The following TCF12 variants were observed in gnomAD, a reference collection of about 807,000 sequenced individuals.
The protein encoded by TCF12 is DNA-binding protein HTF4.
Under a neutral mutation model 86.0 loss-of-function variants are expected in TCF12, and 45 were observed. That is an observed-to-expected ratio of 0.52 (90% CI 0.41 to 0.67). The LOEUF (loss-of-function observed/expected upper bound fraction) is 0.67. Among genes scored for constraint, TCF12 ranks in the 30% least tolerant of loss-of-function variants. The pLI is 0.00. For synonymous variants in TCF12, 330 were observed against 299.6 expected (o/e 1.10, Z -1.05); for missense variants, 881 against 859.9 (o/e 1.02, Z -0.31).
At chr15:57,026,379 A>G (rs1301947519) in intron 3 of TCF12, among the ~76,000 whole-genome samples, 1 of 152,202 alleles carries the variant, frequency 6.6e-6, no homozygotes, top group East Asian at 1.9e-4. Flanking sequence ...AGCAGTGAAA[A>G]AGACTGTCTT....
chr15:57,272,335 G>A (rs758212649), intron 18 of TCF12, among the ~76,000 whole-genome samples: 88 of 152,110 alleles, frequency 5.8e-4, no homozygotes, highest in African/African-American at 1.8e-3. Context: ...CTCTGGATTC[G>A]TTTTGCCAAT....
At chr15:56,964,739 TG>T (rs1225423867) in intron 3 of TCF12, among the ~76,000 whole-genome samples, 2 of 152,234 alleles carry the variant, frequency 1.3e-5, no homozygotes, top group Non-Finnish European at 1.5e-5. Context: ...TCAGAATTTT[TG>T]TACTCTTGTG....
At chr15:57,158,549 T>C (rs1448711804) in intron 5 of TCF12, among the ~76,000 whole-genome samples, 1 of 152,176 alleles carries the variant, frequency 6.6e-6, no homozygotes, top group Non-Finnish European at 1.5e-5. Flanking sequence ...GGTAATAGGA[T>C]GCTCCATTGG....
chr15:57,226,122 T>C (rs1207768176), intron 8 of TCF12, among the ~76,000 whole-genome samples: 3 of 151,534 alleles, frequency 2.0e-5, no homozygotes, highest in Admixed American at 1.3e-4. Flanking sequence ...CTTAAAATTA[T>C]AGGCCTAGAG....
At position 56,938,133 on chromosome 15, in the gene TCF12, CT is replaced by C. The variant is rs201780739; in HGVS notation, c.148+17043del. ...ATCAGTGGTATTGGTCTGTAGTTTG[CT>C]TTTTTTTCTTCTTTTTTTTTGTTTC... is the stretch of plus-strand genomic sequence containing the variant. On this transcript the variant is annotated intron_variant, in intron 3 of 20. Coordinates refer to ENST00000333725, the MANE Select transcript of TCF12 (RefSeq NM_207037.2). Among the ~76,000 whole-genome samples the C allele has an allele frequency of 7.6e-3, 948 of 124,832 alleles. 6 individuals carry two copies. Among genetic ancestry groups the C allele is most frequent in the Non-Finnish European group, 0.011 (657 of 59,590 alleles). 81.9% of individuals were successfully genotyped at this position (124,832 alleles called of 152,430 possible).
intron 3 of TCF12, among the ~76,000 whole-genome samples, chr15:56,940,694 C>A (rs2060720899): frequency 7.0e-6 from 1 of 142,190 alleles, no homozygotes; most frequent in South Asian, 2.4e-4. Context: ...CTCTCCCTCT[C>A]CCCTTTCCCC....
chr15:57,275,361 T>TAC (rs60676414), intron 19 of TCF12, among the ~76,000 whole-genome samples: 4 of 149,100 alleles, frequency 2.7e-5, no homozygotes, highest in African/African-American at 7.4e-5. Context: ...TGTGTGTGTG[T>TAC]GTACGTATGT....
chr15:57,104,975 G>T (rs1454328340), intron 5 of TCF12, among the ~76,000 whole-genome samples: 1 of 141,412 alleles, frequency 7.1e-6, no homozygotes, highest in Non-Finnish European at 1.5e-5. Flanking sequence ...CCGGGTTCAA[G>T]CAATTCTCCT....
chr15:57,182,791 C>CT (rs1167054370), intron 6 of TCF12, among the ~76,000 whole-genome samples: 2 of 152,068 alleles, frequency 1.3e-5, no homozygotes, highest in Non-Finnish European at 2.9e-5. Flanking sequence ...ATTTGTTCTC[C>CT]TTTTTTTCTT....
chr15:56,974,887 C>CA (rs1376555067), intron 3 of TCF12, among the ~76,000 whole-genome samples: 1 of 151,782 alleles, frequency 6.6e-6, no homozygotes, highest in Non-Finnish European at 1.5e-5. Context: ...AAGGCATTAC[C>CA]AAAAAATTCA....
At chr15:57,023,609 T>C (rs936695370) in intron 3 of TCF12, among the ~76,000 whole-genome samples, 1 of 152,214 alleles carries the variant, frequency 6.6e-6, no homozygotes, top group African/African-American at 2.4e-5. Flanking sequence ...TAAAGAAGTT[T>C]TTTTTATGAA....
intron 11 of TCF12, 111 bp downstream of exon 11, chr15:57,232,967 T>A: frequency 5.1e-6 from 3 of 586,032 alleles, no homozygotes; most frequent in Non-Finnish European, 7.0e-6. Flanking sequence ...TATATATATG[T>A]ATATATGTTA....
chr15:56,919,084 C>T (rs2059634993), intron 1 of TCF12, 178 bp downstream of exon 1: 3 of 151,720 alleles, frequency 2.0e-5, no homozygotes, highest in Admixed American at 2.0e-4. Flanking sequence ...GGGGCGGAGG[C>T]TCGAGTCGCG....
chr15:57,069,557 C>G (rs1393855561), intron 4 of TCF12, among the ~76,000 whole-genome samples: 1 of 152,146 alleles, frequency 6.6e-6, no homozygotes, highest in Non-Finnish European at 1.5e-5. Context: ...TATATATGTT[C>G]TGTCTCTTTA....
chr15:57,285,778 A>G (rs2061907485), intron 20 of TCF12, among the ~76,000 whole-genome samples: 1 of 152,124 alleles, frequency 6.6e-6, no homozygotes. Flanking sequence ...AAATCTTACC[A>G]TATAGCCGGG....
intron 5 of TCF12, among the ~76,000 whole-genome samples, chr15:57,123,324 G>A (rs2051371090): frequency 6.6e-6 from 1 of 152,146 alleles, no homozygotes; most frequent in African/African-American, 2.4e-5. Flanking sequence ...TGAAACCACT[G>A]CTAACAATGT....
At chr15:57,088,812 G>A (rs2048810923) in intron 4 of TCF12, among the ~76,000 whole-genome samples, 1 of 152,008 alleles carries the variant, frequency 6.6e-6, no homozygotes, top group Admixed American at 6.6e-5. Flanking sequence ...GAACATTGAA[G>A]TCTACAAAGC....
Position 57,077,380 on chromosome 15 carries a change from TA to T in TCF12, c.222+13558del, listed in dbSNP as rs58530190. Among the ~76,000 whole-genome samples the T allele has an allele frequency of 2.9e-4, 21 of 72,392 alleles. 1 individual carries two copies. Among genetic ancestry groups the T allele is most frequent in the African/African-American group, 1.4e-3 (18 of 12,926 alleles). 47.5% of individuals were successfully genotyped at this position (72,392 alleles called of 152,430 possible). A position where few individuals can be genotyped will look rare whatever the true frequency, so the allele number is the denominator to read the frequency against. On this transcript the variant is annotated intron_variant, in intron 4 of 20. Coordinates refer to ENST00000333725, the MANE Select transcript of TCF12 (RefSeq NM_207037.2). ...GTGTGTGTGTGTGTGTGTGTATATA[TA>T]TTTTTTTTTTTTTGGCAAGGCTTTG...
At chr15:57,247,155 A>T in intron 13 of TCF12, 2 of 542,754 alleles carry the variant, frequency 3.7e-6, no homozygotes, top group Admixed American at 2.2e-5. Flanking sequence ...CCGTCACTCC[A>T]CCACCACCAC....
Sources: allele counts gnomAD v4.1 joint callset (sites outside exome capture counted in the v4.1 genomes callset), GRCh38; gene constraint gnomAD v4.1.1; transcripts MANE v1.5; gene names NCBI Gene and HGNC (gene_info 2026-07-23, HGNC 2026-07-21).